The following CNTNAP5 variants were observed in gnomAD, a reference collection of about 807,000 sequenced individuals.
CNTNAP5 encodes contactin associated protein family member 5, also known as contactin-associated protein-like 5.
A neutral mutation model predicts 150.2 loss-of-function variants in CNTNAP5; 72 were observed. That is an observed-to-expected ratio of 0.48 (90% CI 0.40 to 0.58). The LOEUF (loss-of-function observed/expected upper bound fraction) is 0.58. CNTNAP5 is among the 20% of genes least tolerant of loss of function. The pLI is 0.00. For synonymous variants in CNTNAP5, 672 were observed against 619.8 expected (o/e 1.08, Z -1.25); for missense variants, 1,636 against 1,626.2 (o/e 1.01, Z -0.10).
intron 13 of CNTNAP5, among the ~76,000 whole-genome samples, chr2:124,691,996 T>A (rs1679309680): frequency 6.6e-6 from 1 of 152,152 alleles, no homozygotes; most frequent in Admixed American, 6.6e-5. Flanking sequence ...TATCGGCTTT[T>A]ACTTTTGTGC....
intron 1 of CNTNAP5, among the ~76,000 whole-genome samples, chr2:124,176,186 G>A (rs1685059228): frequency 6.6e-6 from 1 of 152,172 alleles, no homozygotes; most frequent in African/African-American, 2.4e-5. Flanking sequence ...CACATGCTGT[G>A]CGTGCTCCCT....
At chr2:124,866,812 C>T (rs1677641591) in intron 20 of CNTNAP5, among the ~76,000 whole-genome samples, 1 of 152,074 alleles carries the variant, frequency 6.6e-6, no homozygotes, top group Admixed American at 6.6e-5. Context: ...TTAATCTGTT[C>T]TCCTGTTCTC....
intron 21 of CNTNAP5, among the ~76,000 whole-genome samples, chr2:124,878,052 T>G (rs1393411711): frequency 6.6e-6 from 1 of 152,106 alleles, no homozygotes; most frequent in Non-Finnish European, 1.5e-5. Flanking sequence ...TCCAAGCTCC[T>G]AATAAATCCT....
rs1682442529 is a variant in CNTNAP5 at position 124,819,628 on chromosome 2, T to A, written c.3217+21308T>A. On this transcript the variant is annotated intron_variant, in intron 19 of 23. Coordinates refer to ENST00000682447, the MANE Select transcript of CNTNAP5 (RefSeq NM_001367498.1). Reference sequence around the variant, plus strand: ...CCTGCTGGGCTGAGATGTGTTTGAATGATTTCATCCTTTAGCTTCAGGGCT... The same window carrying A: ...CCTGCTGGGCTGAGATGTGTTTGAAAGATTTCATCCTTTAGCTTCAGGGCT... Among the ~76,000 whole-genome samples the A allele has an allele frequency of 2.0e-5, 3 of 152,286 alleles. No individual in the cohort carries two copies. In the South Asian group the frequency reaches 6.2e-4, roughly 32 times the overall value.
At chr2:124,597,710 G>T (rs954379418) in intron 11 of CNTNAP5, among the ~76,000 whole-genome samples, 3 of 151,826 alleles carry the variant, frequency 2.0e-5, no homozygotes, top group Admixed American at 2.0e-4. Context: ...GATTGGAGAA[G>T]TTCTCCTGGA....
intron 1 of CNTNAP5, among the ~76,000 whole-genome samples, chr2:124,196,069 AG>A (rs11336564): frequency 0.18 from 27,530 of 151,740 alleles, 2,635 homozygotes; most frequent in Non-Finnish European, 0.22. Context: ...AAAAAATAGC[AG>A]TTTTTTTTTT....
At chr2:124,316,918 A>G (rs964392002) in intron 3 of CNTNAP5, among the ~76,000 whole-genome samples, 6 of 152,004 alleles carry the variant, frequency 3.9e-5, no homozygotes, top group African/African-American at 1.2e-4. Flanking sequence ...CTTGACTTTC[A>G]TGGTCACACA....
chr2:124,218,911 C>T (rs1160102853), intron 1 of CNTNAP5, among the ~76,000 whole-genome samples: 18 of 152,120 alleles, frequency 1.2e-4, no homozygotes, highest in Admixed American at 9.2e-4. Flanking sequence ...TCAATGGCCT[C>T]GGAGCTCCTT....
chr2:124,427,518 A>G (rs1253222447), intron 4 of CNTNAP5, among the ~76,000 whole-genome samples: 1 of 151,990 alleles, frequency 6.6e-6, no homozygotes, highest in Non-Finnish European at 1.5e-5. Context: ...GTGCAGTGAC[A>G]CAATCTTGGC....
At chr2:124,783,397 C>T (rs1681495829) in intron 17 of CNTNAP5, among the ~76,000 whole-genome samples, 1 of 152,108 alleles carries the variant, frequency 6.6e-6, no homozygotes, top group Admixed American at 6.5e-5. Context: ...ACATTTCCCT[C>T]CCCCAGTCTG....
intron 17 of CNTNAP5, among the ~76,000 whole-genome samples, chr2:124,773,343 A>C (rs957186438): frequency 2.0e-5 from 3 of 152,134 alleles, no homozygotes; most frequent in Admixed American, 1.3e-4. Flanking sequence ...AGGACATGTC[A>C]ACTCTTTACA....
chr2:124,645,521 T>C (rs1283272690), intron 12 of CNTNAP5, among the ~76,000 whole-genome samples: 2 of 152,070 alleles, frequency 1.3e-5, no homozygotes, highest in Admixed American at 6.5e-5. Context: ...TGAGCCACGA[T>C]CGTGCCACTG....
At position 124,873,012 on chromosome 2, in the gene CNTNAP5, G is replaced by C. The variant is rs187111500; in HGVS notation, c.3436+3250G>C. On this transcript the variant is annotated intron_variant, in intron 21 of 23. Coordinates refer to ENST00000682447, the MANE Select transcript of CNTNAP5 (RefSeq NM_001367498.1). The stretch of plus-strand genomic sequence containing the variant: ...GAGGAATACTGTATTAGTCCATTTT[G>C]GCATTGCCATAAATACTTGAGACTG... Among the ~76,000 whole-genome samples the C allele has an allele frequency of 2.0e-5, 3 of 151,352 alleles. No individual in the cohort carries two copies. In the East Asian group the frequency reaches 5.8e-4, roughly 29 times the overall value.
At chr2:124,177,125 G>A (rs1685085293) in intron 1 of CNTNAP5, among the ~76,000 whole-genome samples, 1 of 152,066 alleles carries the variant, frequency 6.6e-6, no homozygotes, top group African/African-American at 2.4e-5. Flanking sequence ...TGGGACTATA[G>A]GTGTGAATCA....
chr2:124,619,563 GT>G (rs1010934042), intron 12 of CNTNAP5, among the ~76,000 whole-genome samples: 3 of 151,968 alleles, frequency 2.0e-5, no homozygotes, highest in Non-Finnish European at 4.4e-5. Flanking sequence ...CTGTAAAAGT[GT>G]TTTTGGATGA....
rs1463383606 is a variant in CNTNAP5, at chr2:124,921,097, A to C, written c.*6809A>C. Among the ~76,000 whole-genome samples the C allele has an allele frequency of 3.9e-5, 6 of 152,166 alleles. No individual in the cohort carries two copies. Among genetic ancestry groups the C allele is most frequent in the Non-Finnish European group, 8.8e-5 (6 of 68,026 alleles). ...GTCTTAATACACTGTATGGGGAAAA[A>C]ATAAAAGTTAGCCTTAGATTTCTTT... On this transcript the variant is annotated 3_prime_UTR_variant, in exon 24 of 24. Transcript: ENST00000682447.
rs1558746780 is a variant in CNTNAP5 at position 124,713,291 on chromosome 2, T to TCTTTC, written c.2078-33938_2078-33937insCTTTC. ...TTTCTTTCTTTCTTTCTTTCTTTCT[T>TCTTTC]TCTTTCTTTCTTCTTTCTCTTTCTT... On this transcript the variant is annotated intron_variant, in intron 13 of 23. Transcript: ENST00000682447. 1.9e-3 allele frequency among the ~76,000 whole-genome samples: 247 copies of TCTTTC among 127,714 alleles called. 14 individuals carry two copies. Among genetic ancestry groups the TCTTTC allele is most frequent in the Middle Eastern group, 4.1e-3 (1 of 244 alleles). The allele number at this position is 127,714 out of a possible 152,430, so 83.8% of individuals were successfully genotyped here.
Position 124,747,229 on chromosome 2 carries a change from A to T in CNTNAP5, c.2078A>T (p.Asp693Val). The change falls in exon 14 of 24, where the codon GAT (aspartate) becomes GTT (valine). Residue 693 changes from aspartate to valine, a missense_variant and splice_region_variant. By Grantham distance (152) the Asp-to-Val change is radical. Transcript: ENST00000682447. The part of the protein sequence containing the change: ...CRRSRLLNTP[D>V]GTPFTWWIGR... ...ACTGGTGGAATATCTTGTCTTCCAG[A>T]TGGAACACCATTTACCTGGTGGATT... The T allele has an allele frequency of 6.2e-7, 1 of 1,611,914 alleles. No homozygotes were observed. Among genetic ancestry groups the T allele is most frequent in the Non-Finnish European group, 8.5e-7 (1 of 1,178,378 alleles).
chr2:124,435,383 C>A (rs1213351787), intron 5 of CNTNAP5, among the ~76,000 whole-genome samples: 2 of 151,978 alleles, frequency 1.3e-5, no homozygotes, highest in African/African-American at 2.4e-5. Context: ...AGAGGCCCAG[C>A]CTCCTGTACA....
Sources: gnomAD v4.1 joint callset for allele counts (sites outside exome capture counted in the v4.1 genomes callset) on GRCh38, gnomAD v4.1.1 for gene constraint, MANE v1.5 for transcripts, NCBI Gene and HGNC (gene_info 2026-07-23, HGNC 2026-07-21) for gene names.